FAM78A: variants seen among roughly 807,000 people sequenced by gnomAD.
FAM78A encodes the protein protein FAM78A.
FAM78A carries 12 observed loss-of-function variants against 22.6 expected under a neutral mutation model. That is an observed-to-expected ratio of 0.53 (90% CI 0.34 to 0.86). The LOEUF (loss-of-function observed/expected upper bound fraction) is 0.86, where lower values mean the gene tolerates loss of function less well. Ranked by LOEUF, FAM78A falls within the 40% of genes least tolerant of loss-of-function variation. The pLI is 0.02. For missense variants in FAM78A, 322 were observed against 396.1 expected (o/e 0.81, Z 1.59); for synonymous variants, 151 against 155.8 (o/e 0.97, Z 0.23).
In FAM78A at chr9:131,261,293, C is replaced by T. The variant is rs536435250; in HGVS notation, c.381G>A (p.Ser127=). ...CGTACCAGGGGTAGTTCACCCCATC[C>T]GAGTCGCTGATGGCTTGGATCTTGC... ...QEGKIQAISD[S]DGVNYPWYGN... The change falls in exon 2 of 2, where the codon TCG becomes TCA. Residue 127 remains serine, a synonymous_variant. Coordinates refer to ENST00000372271, the MANE Select transcript of FAM78A (RefSeq NM_033387.4). The surrounding 1 kb of genome is among the most constrained non-coding windows in gnomAD (Gnocchi z 7.1). The T allele has an allele frequency of 1.1e-3, 1,835 of 1,605,220 alleles. 24 individuals are homozygous for T. In the South Asian group the frequency reaches 0.019, roughly 17 times the overall value.
chr9:131,270,641 G>A, intron 1 of FAM78A: 1 of 657,632 alleles, frequency 1.5e-6, no homozygotes, highest in Non-Finnish European at 2.9e-6. Context: ...CCTCCGCCAG[G>A]GCCCAGCAGA....
intron 1 of FAM78A, among the ~76,000 whole-genome samples, chr9:131,268,051 C>CAAAAA (rs397894549): frequency 1.8e-3 from 93 of 52,392 alleles, no homozygotes; most frequent in African/African-American, 4.7e-3. Flanking sequence ...GACTCTGTCT[C>CAAAAA]AAAAAAAAAA....
chr9:131,270,327 G>A, intron 1 of FAM78A: 1 of 717,616 alleles, frequency 1.4e-6, no homozygotes, highest in South Asian at 1.5e-5. Flanking sequence ...AACAGGTGAA[G>A]ACGCTTCCTT....
rs1291219683 is a variant in FAM78A, at chr9:131,258,164, C to G, written c.*2658G>C. On this transcript the variant is annotated 3_prime_UTR_variant, in exon 2 of 2. Transcript: ENST00000372271. ...AAAAAGGTTCATTGTACATCTTCTT[C>G]AAGAGTCTTGTGCCTCCTGGTAAGT... The G allele has an allele frequency of 1.3e-5, 2 of 150,610 alleles. No individual in the cohort carries two copies. Among genetic ancestry groups the G allele is most frequent in the Non-Finnish European group, 3.0e-5 (2 of 67,736 alleles). 9.3% of individuals were successfully genotyped at this position (150,610 alleles called of 1,614,324 possible).
chr9:131,266,082 G>A (rs1835340587), intron 1 of FAM78A, among the ~76,000 whole-genome samples: 3 of 152,086 alleles, frequency 2.0e-5, no homozygotes, highest in Admixed American at 2.0e-4. Flanking sequence ...CTGTGTCTCC[G>A]GGACACAGCG....
intron 1 of FAM78A, among the ~76,000 whole-genome samples, chr9:131,269,399 T>G (rs1373064524): frequency 6.6e-6 from 1 of 152,214 alleles, no homozygotes; most frequent in African/African-American, 2.4e-5. Context: ...GAGCATAATT[T>G]CACTCCCTCT....
At chr9:131,268,051 C>CAAAAAA (rs397894549) in intron 1 of FAM78A, among the ~76,000 whole-genome samples, 2 of 52,374 alleles carry the variant, frequency 3.8e-5, no homozygotes, top group African/African-American at 1.1e-4. Context: ...GACTCTGTCT[C>CAAAAAA]AAAAAAAAAA....
chr9:131,265,342 G>A lies in FAM78A; in HGVS notation c.324-3992C>T, dbSNP rs56176237. On this transcript the variant is annotated intron_variant, in intron 1 of 1. Coordinates refer to ENST00000372271, the MANE Select transcript of FAM78A (RefSeq NM_033387.4). This position sits in a 1 kb window ranked among gnomAD's most constrained non-coding sequence, Gnocchi z 4.3. ...ATGATCTCAGCTCACTGCAACCTCT[G>A]CCTCCTGGGTTCAAGCGATTCTCCT... 0.024 allele frequency among the ~76,000 whole-genome samples: 3,677 copies of A among 152,226 alleles called. 83 individuals carry two copies. The highest frequency in any genetic ancestry group is 0.05 in the South Asian group (240 of 4,812).
chr9:131,274,795 G>T lies in FAM78A; in HGVS notation c.323+1062C>A, dbSNP rs1228687656. Reference sequence around the variant, plus strand: ...CAAAACGGGGACGTGAAGCTGCACAGGGTAGACACTGAGAGAGGCTCTGGG... The same window carrying T: ...CAAAACGGGGACGTGAAGCTGCACATGGTAGACACTGAGAGAGGCTCTGGG... On this transcript the variant is annotated intron_variant, in intron 1 of 1. Transcript: ENST00000372271. The surrounding 1 kb of genome is among the most constrained non-coding windows in gnomAD (Gnocchi z 4.2). Among the ~76,000 whole-genome samples the T allele has an allele frequency of 1.3e-5, 2 of 152,190 alleles. No individual in the cohort carries two copies. The highest frequency in any genetic ancestry group is 2.9e-5 in the Non-Finnish European group (2 of 68,032).
In FAM78A at chr9:131,274,810, G is replaced by T. The variant is rs1221380460; in HGVS notation, c.323+1047C>A. Among the ~76,000 whole-genome samples, 2 of 152,052 alleles carry T rather than the reference G, an allele frequency of 1.3e-5. No individual in the cohort carries two copies. The highest frequency in any genetic ancestry group is 4.8e-5 in the African/African-American group (2 of 41,422). Reference sequence around the variant, plus strand: ...AAGCTGCACAGGGTAGACACTGAGAGAGGCTCTGGGAGTGTCAGCGGCCAG... The same window carrying T: ...AAGCTGCACAGGGTAGACACTGAGATAGGCTCTGGGAGTGTCAGCGGCCAG... On this transcript the variant is annotated intron_variant, in intron 1 of 1. Transcript: ENST00000372271. The surrounding 1 kb of genome is among the most constrained non-coding windows in gnomAD (Gnocchi z 4.2).
intron 1 of FAM78A, among the ~76,000 whole-genome samples, chr9:131,271,555 A>C (rs1588200182): frequency 6.6e-6 from 1 of 152,214 alleles, no homozygotes; most frequent in East Asian, 1.9e-4. Context: ...TGGGAGCTGG[A>C]GTTCACACCC....
At chr9:131,268,754 A>T (rs573424335) in intron 1 of FAM78A, among the ~76,000 whole-genome samples, 50 of 152,160 alleles carry the variant, frequency 3.3e-4, no homozygotes, top group Non-Finnish European at 6.8e-4. Flanking sequence ...TTAGCCGGGC[A>T]TGGTGGCAGG....
rs1035536311 is a variant in FAM78A at position 131,276,277 on chromosome 9, G to A, written c.-98C>T. ...CATAGGATAGAAAACTCACTGAGTA[G>A]ACTGGGGTTGCATATATCACTACCG... On this transcript the variant is annotated 5_prime_UTR_variant, in exon 1 of 2. Transcript: ENST00000372271. This position sits in a 1 kb window ranked among gnomAD's most constrained non-coding sequence, Gnocchi z 4.3. 6 of 990,398 alleles carry A rather than the reference G, an allele frequency of 6.1e-6. No homozygotes were observed. Among genetic ancestry groups the A allele is most frequent in the Non-Finnish European group, 8.9e-6 (6 of 675,462 alleles). 61.4% of individuals were successfully genotyped at this position (990,398 alleles called of 1,614,324 possible). A position where few individuals can be genotyped will look rare whatever the true frequency, so the allele number is the denominator to read the frequency against.
chr9:131,262,223 A>G (rs956483536), intron 1 of FAM78A, among the ~76,000 whole-genome samples: 1 of 151,028 alleles, frequency 6.6e-6, no homozygotes, highest in African/African-American at 2.4e-5. Flanking sequence ...CCAGCTACTC[A>G]GGAGGCTGAG....
chr9:131,278,503 T>C (rs923561409), upstream of FAM78A, among the ~76,000 whole-genome samples: 9 of 152,114 alleles, frequency 5.9e-5, no homozygotes, highest in Non-Finnish European at 1.2e-4. Context: ...GGCTGCCTGT[T>C]GGACCCCGGC....
upstream of FAM78A, among the ~76,000 whole-genome samples, chr9:131,279,396 A>G (rs1835520677): frequency 6.6e-6 from 1 of 152,216 alleles, no homozygotes; most frequent in South Asian, 2.1e-4. Context: ...TTGTGCCATC[A>G]GATAATTACT....
At position 131,261,391 on chromosome 9, in the gene FAM78A, A is replaced by C. The variant is rs1564235262; in HGVS notation, c.324-41T>G. Reference sequence around the variant, plus strand: ...GCCAGTTCACTCACTCGGTCACTCAAGGAGGGCTTTCTGTGTCCCCCTGGC... The same window carrying C: ...GCCAGTTCACTCACTCGGTCACTCACGGAGGGCTTTCTGTGTCCCCCTGGC... On this transcript the variant is annotated intron_variant, in intron 1 of 1. Coordinates refer to ENST00000372271, the MANE Select transcript of FAM78A (RefSeq NM_033387.4). This position sits in a 1 kb window ranked among gnomAD's most constrained non-coding sequence, Gnocchi z 7.1. The C allele has an allele frequency of 2.0e-6, 3 of 1,506,352 alleles. No homozygotes were observed. The Admixed American group carries it at 6.6e-5, about 33-fold the overall frequency. The allele number at this position is 1,506,352 out of a possible 1,614,324, so 93.3% of individuals were successfully genotyped here.
At chr9:131,273,827 C>T (rs1835447970) in intron 1 of FAM78A, among the ~76,000 whole-genome samples, 1 of 152,234 alleles carries the variant, frequency 6.6e-6, no homozygotes, top group Non-Finnish European at 1.5e-5. Context: ...GAGTGATTCT[C>T]ACAATAAGCC....
At chr9:131,270,195 A>C (rs1213531231) in intron 1 of FAM78A, 1 of 702,274 alleles carries the variant, frequency 1.4e-6, no homozygotes, top group Non-Finnish European at 2.7e-6. Context: ...GACAAGAGTG[A>C]AACTGCATCT....
Sources: allele counts gnomAD v4.1 joint callset (sites outside exome capture counted in the v4.1 genomes callset), GRCh38; gene constraint gnomAD v4.1.1; non-coding constraint Gnocchi (gnomAD v3.1); transcripts MANE v1.5; gene names NCBI Gene and HGNC (gene_info 2026-07-23, HGNC 2026-07-21).